EEF1G: variants seen among roughly 807,000 people sequenced by gnomAD.
The protein encoded by EEF1G is eukaryotic translation elongation factor 1 gamma, also known as elongation factor 1-gamma.
Under a neutral mutation model 58.3 loss-of-function variants are expected in EEF1G, and 14 were observed. The observed-to-expected ratio is 0.24, with a 90% confidence interval of 0.16 to 0.38. EEF1G has a LOEUF of 0.38. Among genes scored for constraint, EEF1G ranks in the 10% least tolerant of loss-of-function variants. The probability of loss-of-function intolerance (pLI) is 1.00; values close to 1 mark genes in which losing one functional copy is unlikely to be tolerated. For missense variants in EEF1G, 322 were observed against 550.1 expected, an observed-to-expected ratio of 0.59 and a Z score of 4.15; for synonymous variants, 180 against 206.8, an observed-to-expected ratio of 0.87 and a Z score of 1.11.
At chr11:62,561,987 T>TG in intron 7 of EEF1G, among the ~76,000 whole-genome samples, 1 of 152,352 alleles carries the variant, frequency 6.6e-6, no homozygotes, top group Admixed American at 6.5e-5. Flanking sequence ...GATAAGGTAC[T>TG]GGCACAAACA....
Position 62,567,511 on chromosome 11 carries a change from G to A in EEF1G, c.540C>T (p.Phe180=). ...GGTTGGTATTGGGAAAGGCCTGGCGGAAAGAAGGCTCTAGAACCTGCCAGG... is the reference window on the plus strand; with the variant it reads ...GGTTGGTATTGGGAAAGGCCTGGCGAAAAGAAGGCTCTAGAACCTGCCAGG... ...WLYKQVLEPS[F]RQAFPNTNRW... is the part of the protein sequence containing the mutation. The change falls in exon 6 of 10, where the codon TTC becomes TTT. Residue 180 remains phenylalanine, a synonymous_variant. Coordinates refer to ENST00000329251, the MANE Select transcript of EEF1G (RefSeq NM_001404.5). The A allele has an allele frequency of 2.5e-6, 4 of 1,608,428 alleles. No individual in the cohort carries two copies. The highest frequency in any genetic ancestry group is 3.4e-6 in the Non-Finnish European group (4 of 1,177,208).
intron 4 of EEF1G, 117 bp downstream of exon 4, chr11:62,571,423 T>C (rs1348408337): frequency 1.1e-5 from 15 of 1,419,346 alleles, no homozygotes; most frequent in East Asian, 2.5e-5. Context: ...GATTACGTCT[T>C]CTCATTGCCT....
chr11:62,567,132 G>T, intron 6 of EEF1G, 122 bp from the exon 7 acceptor site: 1 of 1,096,022 alleles, frequency 9.1e-7, no homozygotes, highest in Non-Finnish European at 1.3e-6. Context: ...AAGGAACTTA[G>T]GCCCCAGACT....
At chr11:62,568,134 A>G (rs1338050475) in intron 5 of EEF1G, among the ~76,000 whole-genome samples, 1 of 151,620 alleles carries the variant, frequency 6.6e-6, no homozygotes, top group Non-Finnish European at 1.5e-5. Flanking sequence ...ACGCTAAGGC[A>G]GGAGAATGGC....
chr11:62,571,454 T>C lies in EEF1G; in HGVS notation c.378+86A>G, dbSNP rs183729196. The C allele has an allele frequency of 8.1e-6, 12 of 1,478,324 alleles. No homozygotes were observed. The Admixed American group carries it at 2.5e-4, about 31-fold the overall frequency. The allele number at this position is 1,478,324 out of a possible 1,614,324, so 91.6% of individuals were successfully genotyped here. On this transcript the variant is annotated intron_variant, in intron 4 of 9. Coordinates refer to ENST00000329251, the MANE Select transcript of EEF1G (RefSeq NM_001404.5). ...TGCCTACATATCCTTGGCATCTTTT[T>C]TTCAACCTATTTTATTTCTTACTCC...
rs545477905 is a variant in EEF1G at position 62,563,998 on chromosome 11, G to A, written c.857+2808C>T. ...CTCAGTCACCCAAGTGCAGGGGCAC[G>A]ATCATGGCTCACTGCAGCCTCAACC... On this transcript the variant is annotated intron_variant, in intron 7 of 9. Transcript: ENST00000329251. Among the ~76,000 whole-genome samples, 5 of 152,318 alleles carry A rather than the reference G, an allele frequency of 3.3e-5. No individual in the cohort carries two copies. The East Asian group carries it at 9.6e-4, about 29-fold the overall frequency.
chr11:62,560,048 C>A (rs1342829832), intron 9 of EEF1G, 21 bp downstream of exon 9: 17 of 1,613,794 alleles, frequency 1.1e-5, no homozygotes, highest in Middle Eastern at 1.7e-4. Flanking sequence ...TAAAGAGACT[C>A]CTCTCCTCCA....
intron 4 of EEF1G, 129 bp downstream of exon 4, chr11:62,571,411 G>A: frequency 1.4e-6 from 2 of 1,380,778 alleles, no homozygotes; most frequent in Non-Finnish European, 1.9e-6. Context: ...TCGTACCCTA[G>A]AGATTACGTC....
chr11:62,559,959 T>G, intron 9 of EEF1G, 110 bp downstream of exon 9: 1 of 1,606,476 alleles, frequency 6.2e-7, no homozygotes, highest in Non-Finnish European at 8.5e-7. Context: ...TGCTCCTTCC[T>G]ATAAGCATTC....
intron 7 of EEF1G, among the ~76,000 whole-genome samples, 182 bp downstream of exon 7, chr11:62,566,624 A>G (rs7124057): frequency 0.26 from 39,200 of 152,236 alleles, 6,001 homozygotes; most frequent in Non-Finnish European, 0.36. Context: ...TGCTCTCCAC[A>G]ATCAAAATTT....
chr11:62,572,852 T>A, intron 1 of EEF1G, 110 bp from the exon 2 acceptor site: 2 of 1,051,874 alleles, frequency 1.9e-6, no homozygotes, highest in Non-Finnish European at 2.7e-6. Context: ...ACTCACCCTT[T>A]TACTTCCTCT....
Position 62,573,780 on chromosome 11 carries a change from A to AAGGATGGCGGTGGAT in EEF1G, c.12+36_12+50dup, listed in dbSNP as rs1243299820. On this transcript the variant is annotated intron_variant, in intron 1 of 9. Transcript: ENST00000329251. ...GGCGCCGACTGGCCCCACTCGGGCA[A>AAGGATGGCGGTGGAT]AGGATGGCGGTGGATAGGATGACCC... 49 of 1,613,048 alleles carry AAGGATGGCGGTGGAT rather than the reference A, an allele frequency of 3.0e-5. No individual in the cohort carries two copies. In the African/African-American group the frequency reaches 6.3e-4, roughly 21 times the overall value.
At chr11:62,567,569 C>T (rs1941571771) in intron 5 of EEF1G, 41 bp from the exon 6 acceptor site, 12 of 1,533,650 alleles carry the variant, frequency 7.8e-6, no homozygotes, top group Non-Finnish European at 1.1e-5. Context: ...AGTGGAAAGG[C>T]CCTGAAGAGT....
Position 62,559,821 on chromosome 11 carries a change from T to C in EEF1G, c.1172A>G (p.Gln391Arg). 1 of 1,614,010 alleles carries C rather than the reference T, an allele frequency of 6.2e-7. No homozygotes were observed. The highest frequency in any genetic ancestry group is 8.5e-7 in the Non-Finnish European group (1 of 1,179,894). Residue 391 changes from glutamine (Q) to arginine (R), a missense_variant, in exon 10 of 10, where the codon CAG (glutamine) becomes CGG (arginine). Gln to Arg is a conservative substitution (Grantham distance 43). Transcript: ENST00000329251. ...CCATGTGTATGACTCGTAGTCCACC[T>C]GCCAATCTGGACTCAGCTGGGGATA... ...ELAFPLSPDWQVDYESYTWRK... is the reference protein window; with the variant it reads ...ELAFPLSPDWRVDYESYTWRK...
Position 62,572,611 on chromosome 11 carries a change from T to C in EEF1G, c.144A>G (p.Glu48=). The C allele has an allele frequency of 6.2e-7, 1 of 1,612,020 alleles. No individual in the cohort carries two copies. The highest frequency in any genetic ancestry group is 8.5e-7 in the Non-Finnish European group (1 of 1,179,846). ...FHFGQTNRTP[E]FLRKFPAGKV... ...TGCCGGCAGGAAATTTGCGGAGAAA[T>C]TCAGGGGTGCGGTTGGTTTGGCCAA... Residue 48 remains glutamate (E), a synonymous_variant, in exon 2 of 10, where the codon GAA becomes GAG. Coordinates refer to ENST00000329251, the MANE Select transcript of EEF1G (RefSeq NM_001404.5).
At chr11:62,571,205 G>A (rs1941626666) in intron 4 of EEF1G, 97 bp from the exon 5 acceptor site, 9 of 1,559,114 alleles carry the variant, frequency 5.8e-6, no homozygotes, top group Non-Finnish European at 7.9e-6. Context: ...TCACCTAGAA[G>A]TCTGAGCTCA....
intron 5 of EEF1G, among the ~76,000 whole-genome samples, chr11:62,570,268 G>A (rs922115950): frequency 4.6e-5 from 7 of 152,118 alleles, no homozygotes; most frequent in Admixed American, 4.6e-4. Context: ...CGCCATGCTG[G>A]CCAGGATGGT....
intron 5 of EEF1G, among the ~76,000 whole-genome samples, chr11:62,568,701 G>A (rs1264201333): frequency 9.2e-5 from 14 of 151,986 alleles, no homozygotes; most frequent in Admixed American, 8.5e-4. Context: ...GGCCAGGAGC[G>A]GTGGCTCACG....
At position 62,571,244 on chromosome 11, in the gene EEF1G, C is replaced by G. The variant is rs1941627214; in HGVS notation, c.379-136G>C. The G allele has an allele frequency of 4.4e-6, 6 of 1,371,630 alleles. No homozygotes were observed. The Admixed American group carries it at 1.0e-4, about 23-fold the overall frequency. 85.0% of individuals were successfully genotyped at this position (1,371,630 alleles called of 1,614,324 possible). A position where few individuals can be genotyped will look rare whatever the true frequency, so the allele number is the denominator to read the frequency against. Reference sequence around the variant, plus strand: ...TCACTCTCTTTCAATGGAGGCAGATCCTAGGGTCATTCTAAATGTATTACA... The same window carrying G: ...TCACTCTCTTTCAATGGAGGCAGATGCTAGGGTCATTCTAAATGTATTACA... On this transcript the variant is annotated intron_variant, in intron 4 of 9. Coordinates refer to ENST00000329251, the MANE Select transcript of EEF1G (RefSeq NM_001404.5).
Sources: gnomAD v4.1 joint callset for allele counts (sites outside exome capture counted in the v4.1 genomes callset) on GRCh38, gnomAD v4.1.1 for gene constraint, MANE v1.5 for transcripts, NCBI Gene and HGNC (gene_info 2026-07-23, HGNC 2026-07-21) for gene names.